The following IPCEF1 variants were observed in gnomAD, a reference collection of about 807,000 sequenced individuals.
IPCEF1 encodes the protein interactor protein for cytohesin exchange factors 1.
In IPCEF1, 31 loss-of-function variants were observed where a neutral mutation model predicts 50.9. The observed-to-expected ratio is 0.61, with a 90% CI of 0.46 to 0.82. IPCEF1 has a LOEUF of 0.82. IPCEF1 is among the 40% of genes least tolerant of loss of function. IPCEF1 has a pLI of 0.00. For missense variants in IPCEF1, 458 were observed against 514.0 expected (o/e 0.89, Z 1.05); for synonymous variants, 181 against 192.0 (o/e 0.94, Z 0.47).
intron 1 of IPCEF1, among the ~76,000 whole-genome samples, chr6:154,332,094 C>A (rs1217570590): frequency 2.6e-5 from 4 of 152,132 alleles, no homozygotes; most frequent in African/African-American, 7.2e-5. Context: ...AGGCAAGAAT[C>A]GGTTGCTACA....
intron 1 of IPCEF1, among the ~76,000 whole-genome samples, chr6:154,326,558 T>C (rs1783524374): frequency 6.6e-6 from 1 of 152,102 alleles, no homozygotes. Flanking sequence ...CTCAAAGAAA[T>C]CAGAGAGGAC....
intron 11 of IPCEF1, among the ~76,000 whole-genome samples, chr6:154,161,032 C>T (rs1918760): frequency 0.67 from 101,715 of 151,930 alleles, 34,688 homozygotes; most frequent in East Asian, 0.89. Context: ...CTTTTGACTT[C>T]CCAGTCTAAT....
chr6:154,271,331 G>A (rs1331659856), intron 2 of IPCEF1, among the ~76,000 whole-genome samples: 1 of 151,984 alleles, frequency 6.6e-6, no homozygotes, highest in Non-Finnish European at 1.5e-5. Context: ...CTCCAGCCTG[G>A]ATGACAGAGT....
chr6:154,354,040 T>C (rs1784161931), intron 1 of IPCEF1, among the ~76,000 whole-genome samples: 1 of 152,250 alleles, frequency 6.6e-6, no homozygotes, highest in African/African-American at 2.4e-5. Context: ...AGCGTGGCTC[T>C]GGCAACTTGA....
intron 5 of IPCEF1, among the ~76,000 whole-genome samples, chr6:154,238,046 C>T (rs2128633177): frequency 6.6e-6 from 1 of 152,140 alleles, no homozygotes; most frequent in East Asian, 1.9e-4. Flanking sequence ...ATCATATATG[C>T]ATATATAATT....
At chr6:154,317,388 A>G (rs1783247857) in intron 1 of IPCEF1, among the ~76,000 whole-genome samples, 2 of 151,800 alleles carry the variant, frequency 1.3e-5, no homozygotes, top group African/African-American at 4.8e-5. Flanking sequence ...TCTCTACTAA[A>G]AATACAAAAA....
rs1245539461 is a variant in IPCEF1 at position 154,230,858 on chromosome 6, A to C, written c.247-7615T>G. Among the ~76,000 whole-genome samples the C allele has an allele frequency of 2.0e-5, 3 of 152,318 alleles. No individual in the cohort carries two copies. The East Asian group carries it at 5.8e-4, about 29-fold the overall frequency. On this transcript the variant is annotated intron_variant, in intron 5 of 11. Coordinates refer to ENST00000367220, the MANE Select transcript of IPCEF1 (RefSeq NM_001130700.2). ...TAAATAAATTACAGGTCTTAAATAG[A>C]ATCTTGAATTCAAGAAAAAAAAACA...
intron 1 of IPCEF1, among the ~76,000 whole-genome samples, chr6:154,295,873 A>G (rs1026627881): frequency 2.8e-4 from 39 of 139,042 alleles, no homozygotes; most frequent in South Asian, 1.2e-3. Flanking sequence ...ACACGCACAC[A>G]CACACACACA....
intron 1 of IPCEF1, among the ~76,000 whole-genome samples, chr6:154,310,258 G>C (rs1783047188): frequency 6.6e-6 from 1 of 152,134 alleles, no homozygotes; most frequent in Admixed American, 6.5e-5. Context: ...TTGGCAAATA[G>C]ATGCATGAAA....
intron 5 of IPCEF1, among the ~76,000 whole-genome samples, chr6:154,238,753 C>A (rs1017134055): frequency 6.6e-6 from 1 of 151,820 alleles, no homozygotes; most frequent in East Asian, 1.9e-4. Context: ...ACCATGTTGA[C>A]CAAACTGGTC....
rs1798779539 is a variant in IPCEF1, at chr6:154,157,904, C to G, written c.*1924G>C. On this transcript the variant is annotated 3_prime_UTR_variant, in exon 12 of 12. Transcript: ENST00000367220. Reference sequence around the variant, plus strand: ...GGGCATCAGGGTGCAATCTGAGGATCTGAATGTTCTCTCTGTCAGGTCACC... The same window carrying G: ...GGGCATCAGGGTGCAATCTGAGGATGTGAATGTTCTCTCTGTCAGGTCACC... The G allele has an allele frequency of 6.6e-6, 1 of 151,692 alleles. No homozygotes were observed. The allele number at this position is 151,692 out of a possible 1,614,324, so 9.4% of individuals were successfully genotyped here.
At chr6:154,328,182 A>G (rs1477328004) in intron 1 of IPCEF1, among the ~76,000 whole-genome samples, 1 of 152,200 alleles carries the variant, frequency 6.6e-6, no homozygotes, top group Non-Finnish European at 1.5e-5. Flanking sequence ...TTACCTATGT[A>G]ACAAACCTGC....
Position 154,291,670 on chromosome 6 carries a change from C to T in IPCEF1, c.-61-1914G>A, listed in dbSNP as rs543880795. 6.7e-5 allele frequency among the ~76,000 whole-genome samples: 10 copies of T among 149,842 alleles called. No homozygotes were observed. The East Asian group carries it at 2.0e-3, about 30-fold the overall frequency. On this transcript the variant is annotated intron_variant, in intron 1 of 11. Transcript: ENST00000367220. ...ACTATAGTTATTAATAATGATCACA[C>T]TCAGGAAAGGTTTTTTTTTTTTTTT...
At chr6:154,261,120 G>A (rs142985522) in intron 3 of IPCEF1, among the ~76,000 whole-genome samples, 3 of 152,110 alleles carry the variant, frequency 2.0e-5, no homozygotes, top group East Asian at 1.9e-4. Flanking sequence ...CTGCAGCCTC[G>A]ATCTCCTGGG....
At chr6:154,281,184 C>CAAAAAAAAA (rs35597942) in intron 2 of IPCEF1, among the ~76,000 whole-genome samples, 209 of 58,186 alleles carry the variant, frequency 3.6e-3, no homozygotes, top group East Asian at 0.011. Flanking sequence ...TACTAAAATA[C>CAAAAAAAAA]AAAAAAAAAA....
Position 154,159,757 on chromosome 6 carries a change from A to T in IPCEF1, c.*71T>A. On this transcript the variant is annotated 3_prime_UTR_variant, in exon 12 of 12. Coordinates refer to ENST00000367220, the MANE Select transcript of IPCEF1 (RefSeq NM_001130700.2). ...GTTTCAGTTTTCCTTTTAAGGAAAA[A>T]TGTAAGCTTTTGCAACATCTTGAAG... 4 of 1,225,756 alleles carry T rather than the reference A, an allele frequency of 3.3e-6. No individual in the cohort carries two copies. Among genetic ancestry groups the T allele is most frequent in the African/African-American group, 1.5e-5 (1 of 65,608 alleles). 75.9% of individuals were successfully genotyped at this position (1,225,756 alleles called of 1,614,324 possible).
At chr6:154,237,208 A>C (rs906028034) in intron 5 of IPCEF1, among the ~76,000 whole-genome samples, 3 of 152,174 alleles carry the variant, frequency 2.0e-5, no homozygotes, top group African/African-American at 7.2e-5. Context: ...AGTTCAGCTC[A>C]TCCCATGGGC....
At chr6:154,251,386 A>C (rs1220623774) in intron 3 of IPCEF1, among the ~76,000 whole-genome samples, 1 of 152,172 alleles carries the variant, frequency 6.6e-6, no homozygotes, top group African/African-American at 2.4e-5. Context: ...CCCATCTCTT[A>C]TTTTAAAAAA....
intron 1 of IPCEF1, among the ~76,000 whole-genome samples, chr6:154,337,139 GA>G (rs1562294600): frequency 6.6e-6 from 1 of 151,526 alleles, no homozygotes; most frequent in African/African-American, 2.4e-5. Flanking sequence ...TGTATATCAA[GA>G]AAAAAGAAAA....
Sources: allele counts gnomAD v4.1 joint callset (sites outside exome capture counted in the v4.1 genomes callset), GRCh38; gene constraint gnomAD v4.1.1; transcripts MANE v1.5; gene names NCBI Gene and HGNC (gene_info 2026-07-23, HGNC 2026-07-21).